Variants in ADAMTS17 observed in about 807,000 individuals in gnomAD.
ADAMTS17 encodes ADAM metallopeptidase with thrombospondin type 1 motif 17.
ADAMTS17 carries 113 observed loss-of-function variants against 141.5 expected under a neutral mutation model. The observed-to-expected ratio is 0.80, with a 90% CI of 0.69 to 0.93. The LOEUF is 0.93. Ranked by LOEUF, ADAMTS17 falls within the 40% of genes least tolerant of loss-of-function variation. ADAMTS17 has a pLI of 0.00. For synonymous variants in ADAMTS17, 768 were observed against 630.6 expected, an observed-to-expected ratio of 1.22 and a Z score of -3.27; for missense variants, 1,659 against 1,517.9, an observed-to-expected ratio of 1.09 and a Z score of -1.54.
At chr15:100,042,960 A>G (rs1411298759) in intron 18 of ADAMTS17, among the ~76,000 whole-genome samples, 1 of 152,264 alleles carries the variant, frequency 6.6e-6, no homozygotes, top group Non-Finnish European at 1.5e-5. Flanking sequence ...TGGTGCATGT[A>G]GATACATTTA....
At chr15:100,239,034 G>A (rs8032389) in intron 7 of ADAMTS17, among the ~76,000 whole-genome samples, 60,644 of 152,110 alleles carry the variant, frequency 0.4, 12,987 homozygotes, top group Non-Finnish European at 0.48. Context: ...AGCTTGCAGT[G>A]AGCCGAGATC....
At chr15:100,072,570 T>A (rs1005360582) in intron 15 of ADAMTS17, among the ~76,000 whole-genome samples, 1 of 151,978 alleles carries the variant, frequency 6.6e-6, no homozygotes, top group Non-Finnish European at 1.5e-5. Context: ...TATAGACCAA[T>A]GGAATAGAAC....
intron 3 of ADAMTS17, among the ~76,000 whole-genome samples, chr15:100,301,869 A>G (rs2045051485): frequency 1.3e-5 from 2 of 152,206 alleles, no homozygotes; most frequent in East Asian, 3.8e-4. Flanking sequence ...ATTACTATTA[A>G]AGCATCCTAA....
chr15:100,159,609 T>G (rs2039596026), intron 8 of ADAMTS17, among the ~76,000 whole-genome samples: 1 of 152,234 alleles, frequency 6.6e-6, no homozygotes, highest in East Asian at 1.9e-4. Flanking sequence ...ATAAAATGTC[T>G]CATGAAAAAA....
At chr15:100,222,881 C>T (rs1009748649) in intron 7 of ADAMTS17, among the ~76,000 whole-genome samples, 2 of 152,208 alleles carry the variant, frequency 1.3e-5, no homozygotes. Context: ...GGCAGGCACC[C>T]TTCCAATGGT....
intron 18 of ADAMTS17, among the ~76,000 whole-genome samples, chr15:100,045,622 G>C (rs1369580696): frequency 6.6e-6 from 1 of 152,102 alleles, no homozygotes; most frequent in East Asian, 1.9e-4. Context: ...TGCAGAATTT[G>C]GGAGTCACTC....
chr15:100,025,622 C>T (rs1231454232), intron 18 of ADAMTS17, among the ~76,000 whole-genome samples: 3 of 152,078 alleles, frequency 2.0e-5, no homozygotes, highest in Non-Finnish European at 4.4e-5. Context: ...CCACATTGGC[C>T]AGGCTGGTCT....
chr15:100,305,516 C>T lies in ADAMTS17; in HGVS notation c.617-24115G>A, dbSNP rs560838694. Among the ~76,000 whole-genome samples, 13 of 152,362 alleles carry T rather than the reference C, an allele frequency of 8.5e-5. No individual in the cohort carries two copies. In the South Asian group the frequency reaches 1.0e-3, roughly 12 times the overall value. On this transcript the variant is annotated intron_variant, in intron 3 of 21. Coordinates refer to ENST00000268070, the MANE Select transcript of ADAMTS17 (RefSeq NM_139057.4). Reference sequence around the variant, plus strand: ...AGGCCCCCTAGATGGCCCTGGTTCACGTCCCATCTCAGATCAGCTGCTAGA... The same window carrying T: ...AGGCCCCCTAGATGGCCCTGGTTCATGTCCCATCTCAGATCAGCTGCTAGA...
chr15:99,979,494 AT>A (rs1402115374), intron 20 of ADAMTS17: 3 of 152,278 alleles, frequency 2.0e-5, no homozygotes, highest in Non-Finnish European at 4.4e-5. Flanking sequence ...AACGTTCCCA[AT>A]GCGGAACAAA....
At chr15:100,258,592 A>G (rs749257238) in intron 6 of ADAMTS17, among the ~76,000 whole-genome samples, 2 of 152,074 alleles carry the variant, frequency 1.3e-5, no homozygotes, top group Non-Finnish European at 2.9e-5. Context: ...CCCCTTATAT[A>G]ATCAGATCTT....
intron 7 of ADAMTS17, among the ~76,000 whole-genome samples, chr15:100,208,943 T>C (rs2041684916): frequency 6.6e-6 from 1 of 152,212 alleles, no homozygotes; most frequent in African/African-American, 2.4e-5. Context: ...TCTCGGACCA[T>C]ATGAGCCATT....
intron 6 of ADAMTS17, among the ~76,000 whole-genome samples, chr15:100,254,435 T>C (rs970561821): frequency 1.9e-4 from 29 of 152,282 alleles, no homozygotes; most frequent in African/African-American, 7.0e-4. Context: ...CTGGAAGGAC[T>C]CCTTTCAGCA....
chr15:100,315,518 A>C (rs936643416), intron 3 of ADAMTS17, among the ~76,000 whole-genome samples: 4 of 152,180 alleles, frequency 2.6e-5, no homozygotes, highest in Admixed American at 6.5e-5. Context: ...ACTGCCCTAG[A>C]TAAGAGGGCA....
At chr15:100,217,930 G>A (rs567521559) in intron 7 of ADAMTS17, among the ~76,000 whole-genome samples, 16 of 152,318 alleles carry the variant, frequency 1.1e-4, no homozygotes, top group Middle Eastern at 3.4e-3. Flanking sequence ...TGAAGTGCTG[G>A]ACTGCAGTGC....
chr15:100,297,969 C>A (rs1378168475), intron 3 of ADAMTS17, among the ~76,000 whole-genome samples: 1 of 151,914 alleles, frequency 6.6e-6, no homozygotes, highest in Non-Finnish European at 1.5e-5. Flanking sequence ...GTGGCGTCTC[C>A]AACACAGCAG....
intron 9 of ADAMTS17, among the ~76,000 whole-genome samples, chr15:100,153,469 C>T (rs1244295638): frequency 6.6e-6 from 1 of 152,068 alleles, no homozygotes; most frequent in Non-Finnish European, 1.5e-5. Context: ...GGGGAAACTC[C>T]TGTCTCTACT....
At chr15:100,116,132 T>TG (rs1172473181) in intron 13 of ADAMTS17, among the ~76,000 whole-genome samples, 1 of 84,782 alleles carries the variant, frequency 1.2e-5, no homozygotes, top group Non-Finnish European at 2.3e-5. Flanking sequence ...CAGTTTTAGG[T>TG]AAAAAAAAAA....
intron 15 of ADAMTS17, among the ~76,000 whole-genome samples, chr15:100,060,150 G>C (rs1037161659): frequency 6.6e-6 from 1 of 152,230 alleles, no homozygotes; most frequent in South Asian, 2.1e-4. Flanking sequence ...CTGAAGCTCT[G>C]GTTTGCTGGG....
intron 15 of ADAMTS17, among the ~76,000 whole-genome samples, chr15:100,096,083 C>T (rs1396579792): frequency 1.3e-5 from 2 of 152,230 alleles, no homozygotes; most frequent in African/African-American, 4.8e-5. Flanking sequence ...TGCTGAGCTC[C>T]TGGCCCAGGG....
Sources: gnomAD v4.1 joint callset for allele counts (sites outside exome capture counted in the v4.1 genomes callset) on GRCh38, gnomAD v4.1.1 for gene constraint, MANE v1.5 for transcripts, NCBI Gene and HGNC (gene_info 2026-07-23, HGNC 2026-07-21) for gene names.